The following IQCH variants were observed in gnomAD, a reference collection of about 807,000 sequenced individuals.
The protein encoded by IQCH is IQ domain-containing protein H.
IQCH carries 98 observed loss-of-function variants against 117.0 expected under a neutral mutation model. The ratio of observed to expected loss-of-function variants is 0.84; its 90% CI spans 0.71 to 0.99. IQCH has a LOEUF of 0.99. Ranked by LOEUF, IQCH falls within the 50% of genes least tolerant of loss-of-function variation. IQCH has a pLI of 0.00. For synonymous variants in IQCH, 412 were observed against 448.2 expected (o/e 0.92, Z 1.02); for missense variants, 1,102 against 1,243.8 (o/e 0.89, Z 1.72).
chr15:67,298,969 G>A (rs1966887703), intron 4 of IQCH, among the ~76,000 whole-genome samples: 1 of 151,492 alleles, frequency 6.6e-6, no homozygotes, highest in Non-Finnish European at 1.5e-5. Flanking sequence ...GCACTCCCAT[G>A]TTTATTGTAG....
At chr15:67,326,151 G>A (rs1255955879) in intron 4 of IQCH, among the ~76,000 whole-genome samples, 1 of 152,038 alleles carries the variant, frequency 6.6e-6, no homozygotes, top group Non-Finnish European at 1.5e-5. Flanking sequence ...GGTGTGTGAT[G>A]TTCCCCTTCC....
intron 16 of IQCH, among the ~76,000 whole-genome samples, chr15:67,461,828 G>C (rs1479995464): frequency 6.6e-6 from 1 of 152,162 alleles, no homozygotes; most frequent in African/African-American, 2.4e-5. Flanking sequence ...TGAGTTGTGA[G>C]GTTGAATAGA....
chr15:67,298,522 A>C (rs1297675783), intron 4 of IQCH, among the ~76,000 whole-genome samples: 1 of 152,016 alleles, frequency 6.6e-6, no homozygotes, highest in Non-Finnish European at 1.5e-5. Flanking sequence ...AGTTGGTAGG[A>C]ATGTAAATTA....
intron 4 of IQCH, among the ~76,000 whole-genome samples, chr15:67,304,785 A>G (rs1000230267): frequency 2.0e-5 from 3 of 152,140 alleles, no homozygotes; most frequent in African/African-American, 7.2e-5. Context: ...TTTCTTTGAT[A>G]GTAGGCTTAC....
intron 14 of IQCH, among the ~76,000 whole-genome samples, chr15:67,412,452 C>G (rs1371357075): frequency 6.6e-6 from 1 of 152,038 alleles, no homozygotes; most frequent in East Asian, 1.9e-4. Flanking sequence ...TTTTGTTGCC[C>G]AGGCTGGAGT....
In IQCH at chr15:67,500,415, G is replaced by A. The variant is rs556807748; in HGVS notation, c.2971-218G>A. Reference sequence around the variant, plus strand: ...CCAATGTTATTATTAGACATAATAGGCATAAAAATTCTAAAAAGTTTTCCA... The same window carrying A: ...CCAATGTTATTATTAGACATAATAGACATAAAAATTCTAAAAAGTTTTCCA... On this transcript the variant is annotated intron_variant, in intron 20 of 20. Coordinates refer to ENST00000335894, the MANE Select transcript of IQCH (RefSeq NM_001031715.3). This position sits in a 1 kb window ranked among gnomAD's most constrained non-coding sequence, Gnocchi z 4.4. Among the ~76,000 whole-genome samples the A allele has an allele frequency of 6.6e-6, 1 of 151,996 alleles. No individual in the cohort carries two copies. The highest frequency in any genetic ancestry group is 1.5e-5 in the Non-Finnish European group (1 of 67,988).
rs533107573 is a variant in IQCH, at chr15:67,458,129, A to G, written c.2506-6998A>G. On this transcript the variant is annotated intron_variant, in intron 16 of 20. Transcript: ENST00000335894. This position sits in a 1 kb window ranked among gnomAD's most constrained non-coding sequence, Gnocchi z 4.1. ...ATCCTCCTGATTTTACAGCTGCAAA[A>G]GGAGAAAAAGTGCCTGAGATTTCAA... 2.0e-5 allele frequency among the ~76,000 whole-genome samples: 3 copies of G among 152,346 alleles called. No individual in the cohort carries two copies. The East Asian group carries it at 5.8e-4, about 29-fold the overall frequency.
At position 67,370,356 on chromosome 15, in the gene IQCH, C is replaced by A. The variant is rs1160100765; in HGVS notation, c.754-1755C>A. ...CTGAATCACACGTGACTGGCAGGACCAGCCAGCTCCATACATGTCCATCTG... is the reference window on the plus strand; with the variant it reads ...CTGAATCACACGTGACTGGCAGGACAAGCCAGCTCCATACATGTCCATCTG... On this transcript the variant is annotated intron_variant, in intron 8 of 20. Transcript: ENST00000335894. This position sits in a 1 kb window ranked among gnomAD's most constrained non-coding sequence, Gnocchi z 5.6. Among the ~76,000 whole-genome samples the A allele has an allele frequency of 6.6e-6, 1 of 152,214 alleles. No individual in the cohort carries two copies. Among genetic ancestry groups the A allele is most frequent in the Admixed American group, 6.5e-5 (1 of 15,284 alleles).
chr15:67,425,169 T>C lies in IQCH; in HGVS notation c.2505+3592T>C, dbSNP rs546521969. On this transcript the variant is annotated intron_variant, in intron 16 of 20. Transcript: ENST00000335894. The surrounding 1 kb of genome is among the most constrained non-coding windows in gnomAD (Gnocchi z 5.5). The stretch of plus-strand genomic sequence containing the variant: ...CTTTTGCCCCAGTTAAATTGGACTA[T>C]AACACAAATGTTGATTTGCTGGAGC... 5.3e-5 allele frequency among the ~76,000 whole-genome samples: 8 copies of C among 152,342 alleles called. No homozygotes were observed. In the East Asian group the frequency reaches 1.3e-3, roughly 26 times the overall value.
rs1055972017 is a variant in IQCH at position 67,255,142 on chromosome 15, A to G, written c.51+195A>G. On this transcript the variant is annotated intron_variant, in intron 1 of 20. Transcript: ENST00000335894. ...GCACACTCCCGGTGACTTACCCTGTAGGTTACGCCCCAGAAGCAGGACTTT... is the reference window on the plus strand; with the variant it reads ...GCACACTCCCGGTGACTTACCCTGTGGGTTACGCCCCAGAAGCAGGACTTT... 7.4e-5 allele frequency: 46 copies of G among 617,680 alleles called. No homozygotes were observed. In the African/African-American group the frequency reaches 7.9e-4, roughly 11 times the overall value. 38.3% of individuals were successfully genotyped at this position (617,680 alleles called of 1,614,324 possible). A position where few individuals can be genotyped will look rare whatever the true frequency, so the allele number is the denominator to read the frequency against.
intron 18 of IQCH, among the ~76,000 whole-genome samples, chr15:67,482,861 C>T (rs1014985410): frequency 1.3e-5 from 2 of 152,122 alleles, no homozygotes; most frequent in African/African-American, 4.8e-5. Context: ...TTCTGGGGTA[C>T]ATAAGTAGAC....
rs151115932 is a variant in IQCH, at chr15:67,323,218, T to C, written c.388-13757T>C. ...CATCCATTTTTTGTTCCTTATTCTT[T>C]GTTTTCTGACTTAGGGTTACATTTT... On this transcript the variant is annotated intron_variant, in intron 4 of 20. Coordinates refer to ENST00000335894, the MANE Select transcript of IQCH (RefSeq NM_001031715.3). Among the ~76,000 whole-genome samples the C allele has an allele frequency of 6.7e-4, 102 of 151,888 alleles. 4 individuals are homozygous for C. In the East Asian group the frequency reaches 0.012, roughly 18 times the overall value.
At chr15:67,440,048 C>T (rs1030430401) in intron 16 of IQCH, among the ~76,000 whole-genome samples, 2 of 152,036 alleles carry the variant, frequency 1.3e-5, no homozygotes, top group Non-Finnish European at 2.9e-5. Context: ...TTACAACTGA[C>T]ACCGCAGAAA....
At chr15:67,398,846 A>G (rs1971550733) in intron 13 of IQCH, among the ~76,000 whole-genome samples, 1 of 152,190 alleles carries the variant, frequency 6.6e-6, no homozygotes, top group Non-Finnish European at 1.5e-5. Flanking sequence ...CTCTGGAGAC[A>G]AAAAGCTTAG....
intron 1 of IQCH, among the ~76,000 whole-genome samples, chr15:67,260,121 A>T (rs1041642728): frequency 6.6e-6 from 1 of 152,256 alleles, no homozygotes; most frequent in Admixed American, 6.5e-5. Flanking sequence ...CAATTTGCAG[A>T]TTGTTATTGG....
chr15:67,318,213 C>G (rs1275410977), intron 4 of IQCH, among the ~76,000 whole-genome samples: 1 of 151,906 alleles, frequency 6.6e-6, no homozygotes, highest in Non-Finnish European at 1.5e-5. Flanking sequence ...TCCTTCTTGC[C>G]TTCCTTTCCT....
At position 67,369,644 on chromosome 15, in the gene IQCH, TTCACAGAGATAA is replaced by T. The variant is rs540201618; in HGVS notation, c.754-2465_754-2454del. Among the ~76,000 whole-genome samples the T allele has an allele frequency of 3.1e-3, 470 of 152,172 alleles. 4 individuals are homozygous for T. Among genetic ancestry groups the T allele is most frequent in the African/African-American group, 0.011 (464 of 41,534 alleles). On this transcript the variant is annotated intron_variant, in intron 8 of 20. Transcript: ENST00000335894. The surrounding 1 kb of genome is among the most constrained non-coding windows in gnomAD (Gnocchi z 5.2). ...AAGCCAACAAATAATAGTAGATAAGTTCACAGAGATAATAAAGAATAACAGAATGAGCCAGAA... is the reference window on the plus strand; with the variant it reads ...AAGCCAACAAATAATAGTAGATAAGTTAAAGAATAACAGAATGAGCCAGAA...
chr15:67,355,485 G>A (rs1969854156), intron 6 of IQCH, among the ~76,000 whole-genome samples: 1 of 151,974 alleles, frequency 6.6e-6, no homozygotes, highest in Non-Finnish European at 1.5e-5. Flanking sequence ...AGCTATTCTG[G>A]AGGCCGAAGC....
At chr15:67,492,407 G>C (rs61620354) in intron 19 of IQCH, among the ~76,000 whole-genome samples, 1 of 152,048 alleles carries the variant, frequency 6.6e-6, no homozygotes, top group East Asian at 1.9e-4. Flanking sequence ...GGCTGGGAGA[G>C]GTGAGCTCCC....
Sources: gnomAD v4.1 joint callset for allele counts (sites outside exome capture counted in the v4.1 genomes callset) on GRCh38, gnomAD v4.1.1 for gene constraint, Gnocchi (gnomAD v3.1) non-coding constraint, MANE v1.5 for transcripts, NCBI Gene and HGNC (gene_info 2026-07-23, HGNC 2026-07-21) for gene names.